ADAM18: variants seen among roughly 807,000 people sequenced by gnomAD.
ADAM18 encodes disintegrin and metalloproteinase domain-containing protein 18.
Under a neutral mutation model 94.4 loss-of-function variants are expected in ADAM18, and 117 were observed. That is an observed-to-expected ratio of 1.24 (90% CI 1.07 to 1.45). The LOEUF (loss-of-function observed/expected upper bound fraction) is 1.45. ADAM18 is among the 40% of genes most tolerant of loss of function. The pLI is 0.00. For synonymous variants in ADAM18, 327 were observed against 291.6 expected (o/e 1.12, Z -1.24); for missense variants, 936 against 880.0 (o/e 1.06, Z -0.81).
At chr8:39,617,100 A>C (rs1192522513) in intron 6 of ADAM18, among the ~76,000 whole-genome samples, 1 of 152,184 alleles carries the variant, frequency 6.6e-6, no homozygotes, top group Admixed American at 6.5e-5. Flanking sequence ...ATGGGAGAAA[A>C]CATTCACAAA....
intron 12 of ADAM18, among the ~76,000 whole-genome samples, chr8:39,657,406 G>A (rs1420689261): frequency 6.6e-6 from 1 of 152,100 alleles, no homozygotes; most frequent in African/African-American, 2.4e-5. Context: ...CTGCCTCCCA[G>A]GTTCAAGAGA....
intron 14 of ADAM18, among the ~76,000 whole-genome samples, chr8:39,676,011 C>T (rs901795001): frequency 1.3e-5 from 2 of 152,176 alleles, no homozygotes; most frequent in African/African-American, 2.4e-5. Flanking sequence ...GATCCTCCCT[C>T]TGGAAGGGTC....
At position 39,585,346 on chromosome 8, in the gene ADAM18, G is replaced by A; in HGVS notation, c.126G>A (p.Glu42=). The change falls in exon 2 of 20, where the codon GAG becomes GAA. Residue 42 remains glutamate, a synonymous_variant. Coordinates refer to ENST00000265707, the MANE Select transcript of ADAM18 (RefSeq NM_014237.3). ...AGTCAAATGACAGTGAAGTTTCAGA[G>A]AGGAAGGTAAATGATGAGGAATATT... ...KIKSNDSEVS[E]RKMIYIITID... is the part of the protein sequence containing the mutation. The A allele has an allele frequency of 6.2e-7, 1 of 1,610,934 alleles. No individual in the cohort carries two copies. Among genetic ancestry groups the A allele is most frequent in the South Asian group, 1.1e-5 (1 of 90,870 alleles).
At chr8:39,670,980 G>T (rs1821138439) in intron 14 of ADAM18, among the ~76,000 whole-genome samples, 1 of 152,224 alleles carries the variant, frequency 6.6e-6, no homozygotes, top group Non-Finnish European at 1.5e-5. Context: ...CTACCTATTA[G>T]TCTGTTCAAG....
At position 39,591,316 on chromosome 8, in the gene ADAM18, T is replaced by C. The variant is rs1453810099; in HGVS notation, c.132+5964T>C. On this transcript the variant is annotated intron_variant, in intron 2 of 19. Transcript: ENST00000265707. ...AAGATTTCTCTATAGTATGCAATGC[T>C]GTTTGATAGCATTTTACCCACAGTA... is the stretch of plus-strand genomic sequence containing the variant. Among the ~76,000 whole-genome samples the C allele has an allele frequency of 2.0e-5, 3 of 152,222 alleles. No individual in the cohort carries two copies. In the East Asian group the frequency reaches 5.8e-4, roughly 29 times the overall value.
intron 18 of ADAM18, among the ~76,000 whole-genome samples, chr8:39,713,501 G>A (rs1822478310): frequency 6.6e-6 from 1 of 152,078 alleles, no homozygotes; most frequent in African/African-American, 2.4e-5. Flanking sequence ...AGGTGAACAG[G>A]CAACCTACAG....
chr8:39,625,480 A>G (rs999658899), intron 6 of ADAM18, among the ~76,000 whole-genome samples: 4 of 152,106 alleles, frequency 2.6e-5, no homozygotes, highest in African/African-American at 9.7e-5. Flanking sequence ...TAACATTGGT[A>G]GACAGAGTTA....
intron 16 of ADAM18, among the ~76,000 whole-genome samples, chr8:39,682,960 A>T (rs189705556): frequency 2.6e-5 from 4 of 152,186 alleles, no homozygotes; most frequent in Non-Finnish European, 5.9e-5. Flanking sequence ...CCAATATCTT[A>T]TCTTCTTCTG....
chr8:39,627,238 A>T (rs925866325), intron 6 of ADAM18, among the ~76,000 whole-genome samples: 9 of 152,008 alleles, frequency 5.9e-5, no homozygotes, highest in African/African-American at 2.2e-4. Flanking sequence ...GGCTGGGGAG[A>T]CCTCACAATC....
intron 19 of ADAM18, among the ~76,000 whole-genome samples, chr8:39,728,024 T>C (rs141510226): frequency 2.2e-3 from 328 of 152,138 alleles, no homozygotes; most frequent in Non-Finnish European, 2.7e-3. Flanking sequence ...TGGCAGAAGG[T>C]GAAGGGGCAA....
At chr8:39,616,381 G>A (rs1220185128) in intron 6 of ADAM18, among the ~76,000 whole-genome samples, 3 of 152,170 alleles carry the variant, frequency 2.0e-5, no homozygotes, top group African/African-American at 7.2e-5. Context: ...CTGCACTCCA[G>A]CTTGGGTGAC....
intron 4 of ADAM18, 85 bp from the exon 5 acceptor site, chr8:39,609,400 A>G (rs1819194466): frequency 2.3e-6 from 2 of 871,234 alleles, no homozygotes; most frequent in Admixed American, 4.7e-5. Flanking sequence ...AAATCTTTTA[A>G]TATTTTGAAT....
rs774893719 is a variant in ADAM18, at chr8:39,648,356, T to C, written c.1059T>C (p.Gly353=). 12 of 1,591,138 alleles carry C rather than the reference T, an allele frequency of 7.5e-6. No individual in the cohort carries two copies. Among genetic ancestry groups the C allele is most frequent in the Non-Finnish European group, 1.0e-5 (12 of 1,169,630 alleles). The part of the protein sequence containing the change: ...IMNHEAVSAS[G]RKIFSNCSMH... Reference sequence around the variant, plus strand: ...TATTTTATTTTAGGAGTGCCAGTGGTAGAAAGATTTTTAGCAACTGCAGCA... The same window carrying C: ...TATTTTATTTTAGGAGTGCCAGTGGCAGAAAGATTTTTAGCAACTGCAGCA... The change falls in exon 12 of 20, where the codon GGT becomes GGC. Residue 353 remains glycine, a synonymous_variant. Transcript: ENST00000265707.
intron 19 of ADAM18, 28 bp from the exon 20 acceptor site, chr8:39,729,870 C>T (rs751518432): frequency 6.2e-7 from 1 of 1,601,650 alleles, no homozygotes; most frequent in Non-Finnish European, 8.6e-7. Context: ...TTGTGAATTT[C>T]TATTTTTTCT....
At chr8:39,713,921 C>A (rs187373489) in intron 18 of ADAM18, among the ~76,000 whole-genome samples, 7 of 152,164 alleles carry the variant, frequency 4.6e-5, no homozygotes, top group Admixed American at 3.9e-4. Flanking sequence ...ACCATTTGAC[C>A]CAGCCATCCC....
At chr8:39,683,841 C>A (rs1308659168) in intron 16 of ADAM18, among the ~76,000 whole-genome samples, 1 of 152,010 alleles carries the variant, frequency 6.6e-6, no homozygotes, top group African/African-American at 2.4e-5. Context: ...GTTTTACTTA[C>A]TTTTTTTGGT....
rs1377376662 is a variant in ADAM18 at position 39,729,996 on chromosome 8, T to A, written c.*56T>A. 1 of 1,532,142 alleles carries A rather than the reference T, an allele frequency of 6.5e-7. No homozygotes were observed. 94.9% of individuals were successfully genotyped at this position (1,532,142 alleles called of 1,614,324 possible). ...TAAAGGAACGAATGTGCTTTATTTA[T>A]AACCTTACGTTATCCCCAATGCATT... is the stretch of plus-strand genomic sequence containing the variant. On this transcript the variant is annotated 3_prime_UTR_variant, in exon 20 of 20. Coordinates refer to ENST00000265707, the MANE Select transcript of ADAM18 (RefSeq NM_014237.3).
chr8:39,610,272 CT>C (rs763628669), intron 5 of ADAM18, among the ~76,000 whole-genome samples: 10 of 151,964 alleles, frequency 6.6e-5, no homozygotes, highest in Non-Finnish European at 1.3e-4. Context: ...CAAATTTGGC[CT>C]TAATTAATGT....
chr8:39,605,409 T>G (rs979148477), intron 2 of ADAM18, among the ~76,000 whole-genome samples: 4 of 152,186 alleles, frequency 2.6e-5, no homozygotes, highest in African/African-American at 9.7e-5. Flanking sequence ...GGAGGTATAG[T>G]CTTCCTCACT....
Sources: allele counts gnomAD v4.1 joint callset (sites outside exome capture counted in the v4.1 genomes callset), GRCh38; gene constraint gnomAD v4.1.1; transcripts MANE v1.5; gene names NCBI Gene and HGNC (gene_info 2026-07-23, HGNC 2026-07-21).